OASL: variants seen among roughly 807,000 people sequenced by gnomAD.
OASL encodes 2'-5'-oligoadenylate synthetase like, also known as 2'-5'-oligoadenylate synthase-like protein.
OASL carries 28 observed loss-of-function variants against 35.3 expected under a neutral mutation model. That is an observed-to-expected ratio of 0.79 (90% CI 0.59 to 1.09). OASL has a LOEUF of 1.09. Among genes scored for constraint, OASL ranks in the 50% least tolerant of loss-of-function variants. The pLI, the probability that OASL is intolerant of heterozygous loss-of-function variation, is 0.00. For synonymous variants in OASL, 252 were observed against 254.6 expected, an observed-to-expected ratio of 0.99 and a Z score of 0.10; for missense variants, 620 against 635.2, an observed-to-expected ratio of 0.98 and a Z score of 0.26.
chr12:121,018,267 G>A (rs928522286), downstream of OASL, among the ~76,000 whole-genome samples: 2 of 152,232 alleles, frequency 1.3e-5, no homozygotes, highest in East Asian at 1.9e-4. Flanking sequence ...AAATGAGGAC[G>A]GGGCAGGGGT....
At chr12:121,038,812 C>T (rs759614375) in exon 1 of OASL, 1 of 1,614,132 alleles carries the variant, frequency 6.2e-7, no homozygotes, top group Admixed American at 1.7e-5. Flanking sequence ...TGGTCCAGCC[C>T]ACGCTTCCCC....
At position 121,022,499 on chromosome 12, in the gene OASL, C is replaced by T. The variant is rs571359655; in HGVS notation, c.1048-1441G>A. On this transcript the variant is annotated intron_variant, in intron 5 of 5. Coordinates refer to ENST00000257570, the Ensembl canonical transcript of OASL. ...CCCCTCAAAGTGCTGTGATTACAGGCGTGCGCCACTGCCCCCAGCCTACAA... is the reference window on the plus strand; with the variant it reads ...CCCCTCAAAGTGCTGTGATTACAGGTGTGCGCCACTGCCCCCAGCCTACAA... Among the ~76,000 whole-genome samples, 376 of 152,324 alleles carry T rather than the reference C, an allele frequency of 2.5e-3. 2 individuals carry two copies. Among genetic ancestry groups the T allele is most frequent in the Middle Eastern group, 0.01 (3 of 294 alleles).
exon 1 of OASL, chr12:121,038,955 T>A (rs1182071467): frequency 4.3e-6 from 7 of 1,613,982 alleles, no homozygotes; most frequent in East Asian, 4.5e-5. Context: ...GCTATACAGT[T>A]CCTGCATCAG....
At position 121,022,771 on chromosome 12, in the gene OASL, G is replaced by A. The variant is rs192500882; in HGVS notation, c.1047+1219C>T. On this transcript the variant is annotated intron_variant, in intron 5 of 5. Transcript: ENST00000257570. ...GTTCTGAGTGTCTATATCTCCCCCCGGCCTTTAGGGCTCATTTCAACTCCT... is the reference window on the plus strand; with the variant it reads ...GTTCTGAGTGTCTATATCTCCCCCCAGCCTTTAGGGCTCATTTCAACTCCT... 1.1e-4 allele frequency among the ~76,000 whole-genome samples: 16 copies of A among 151,968 alleles called. No individual in the cohort carries two copies. In the East Asian group the frequency reaches 2.1e-3, roughly 20 times the overall value.
chr12:121,038,993 G>C, exon 1 of OASL: 1 of 1,607,474 alleles, frequency 6.2e-7, no homozygotes, highest in East Asian at 2.2e-5. Flanking sequence ...GAGTACCGCT[G>C]CTGGGCAGAT....
At chr12:121,034,687 A>G (rs1231001252) in intron 1 of OASL, among the ~76,000 whole-genome samples, 1 of 152,200 alleles carries the variant, frequency 6.6e-6, no homozygotes, top group Non-Finnish European at 1.5e-5. Flanking sequence ...TTAGCTGGGT[A>G]AACATTCTGA....
exon 1 of OASL, chr12:121,039,045 T>C (rs1253658634): frequency 4.8e-6 from 6 of 1,261,072 alleles, no homozygotes; most frequent in Non-Finnish European, 6.8e-6. Context: ...ACACACCTCC[T>C]TTTTTAAGGT....
intron 2 of OASL, among the ~76,000 whole-genome samples, chr12:121,032,380 C>CTTGCAGCATG (rs1869772307): frequency 6.6e-6 from 1 of 152,132 alleles, no homozygotes; most frequent in African/African-American, 2.4e-5. Flanking sequence ...GATGAAACCT[C>CTTGCAGCATG]TAGGATCTGG....
intron 2 of OASL, among the ~76,000 whole-genome samples, chr12:121,033,069 C>A (rs1028217518): frequency 6.6e-6 from 1 of 151,862 alleles, no homozygotes; most frequent in Admixed American, 6.6e-5. Flanking sequence ...GGATTACAGG[C>A]GCCCACCACC....
chr12:121,037,473 G>A (rs1869998479), intron 1 of OASL, among the ~76,000 whole-genome samples: 2 of 152,144 alleles, frequency 1.3e-5, no homozygotes, highest in East Asian at 3.9e-4. Flanking sequence ...ACCTCTCTGA[G>A]CCTCCATTAA....
At chr12:121,020,790 T>C (rs774138796) in exon 6 of OASL, 2 of 1,614,090 alleles carry the variant, frequency 1.2e-6, no homozygotes, top group Non-Finnish European at 8.5e-7. Context: ...ATCAGGATTC[T>C]TCACGAAGAC....
At chr12:121,037,928 C>CA (rs973502324) in intron 1 of OASL, among the ~76,000 whole-genome samples, 16 of 151,864 alleles carry the variant, frequency 1.1e-4, no homozygotes, top group African/African-American at 3.9e-4. Flanking sequence ...CCTATCTCTA[C>CA]AAAAAATACA....
intron 4 of OASL, among the ~76,000 whole-genome samples, chr12:121,025,969 G>A (rs1466729344): frequency 6.6e-6 from 1 of 152,138 alleles, no homozygotes; most frequent in Non-Finnish European, 1.5e-5. Context: ...GTCCTATGGG[G>A]TGGGGTCACT....
intron 3 of OASL, among the ~76,000 whole-genome samples, chr12:121,028,154 T>A (rs548894301): frequency 6.6e-6 from 1 of 152,156 alleles, no homozygotes; most frequent in African/African-American, 2.4e-5. Flanking sequence ...TGCTGAGAAA[T>A]GTTTCTTAAA....
At chr12:121,033,468 T>A in exon 2 of OASL, 1 of 1,609,382 alleles carries the variant, frequency 6.2e-7, no homozygotes, top group Non-Finnish European at 8.5e-7. Context: ...TACCCAGGGC[T>A]CTGTAGGCAG....
At chr12:121,027,070 G>A (rs1030228785) in intron 4 of OASL, among the ~76,000 whole-genome samples, 1 of 152,122 alleles carries the variant, frequency 6.6e-6, no homozygotes, top group Non-Finnish European at 1.5e-5. Context: ...GACGCTGACA[G>A]CACATGCTCC....
At chr12:121,022,563 T>C (rs1332602340) in intron 5 of OASL, among the ~76,000 whole-genome samples, 1 of 152,216 alleles carries the variant, frequency 6.6e-6, no homozygotes, top group Non-Finnish European at 1.5e-5. Context: ...GGCGTATATT[T>C]TCCAGCCCAT....
At chr12:121,021,004 G>C (rs1226572771) in exon 6 of OASL, 1 of 1,612,480 alleles carries the variant, frequency 6.2e-7, no homozygotes, top group Admixed American at 1.7e-5. Flanking sequence ...TTCACGATGA[G>C]GTTGAAATCT....
At chr12:121,022,159 T>C (rs1869268783) in intron 5 of OASL, among the ~76,000 whole-genome samples, 1 of 145,288 alleles carries the variant, frequency 6.9e-6, no homozygotes, top group Non-Finnish European at 1.5e-5. Context: ...CGATCTTGGC[T>C]CACTGCAACC....
Sources: allele counts gnomAD v4.1 joint callset (sites outside exome capture counted in the v4.1 genomes callset), GRCh38; gene constraint gnomAD v4.1.1; transcripts MANE v1.5; gene names NCBI Gene and HGNC (gene_info 2026-07-23, HGNC 2026-07-21).